The following SGCD variants were observed in gnomAD, a reference collection of about 807,000 sequenced individuals.
SGCD encodes sarcoglycan delta.
In SGCD, 18 loss-of-function variants were observed where a neutral mutation model predicts 36.6. The observed-to-expected ratio is 0.49, with a 90% CI of 0.34 to 0.73. The LOEUF is 0.73. Among genes scored for constraint, SGCD ranks in the 30% least tolerant of loss-of-function variants. The pLI, the probability that SGCD is intolerant of heterozygous loss-of-function variation, is 0.01. For synonymous variants in SGCD, 133 were observed against 130.6 expected, an observed-to-expected ratio of 1.02 and a Z score of -0.12; for missense variants, 387 against 346.7, an observed-to-expected ratio of 1.12 and a Z score of -0.92.
intron 3 of SGCD, among the ~76,000 whole-genome samples, chr5:156,390,768 T>A (rs1332917554): frequency 1.3e-5 from 2 of 152,140 alleles, no homozygotes; most frequent in Non-Finnish European, 2.9e-5. Flanking sequence ...AAAAAAATTT[T>A]TTAATAAAAC....
intron 7 of SGCD, among the ~76,000 whole-genome samples, chr5:156,693,956 C>T (rs531398848): frequency 6.6e-6 from 1 of 152,214 alleles, no homozygotes; most frequent in South Asian, 2.1e-4. Context: ...TTCATTACTT[C>T]TTATTGTTTC....
intron 1 of SGCD, among the ~76,000 whole-genome samples, chr5:156,327,553 G>A (rs1359678809): frequency 6.6e-6 from 1 of 152,194 alleles, no homozygotes; most frequent in Non-Finnish European, 1.5e-5. Flanking sequence ...TCCTTTCTGC[G>A]TGGAAGGGCC....
chr5:156,395,167 A>G (rs1771782700), intron 3 of SGCD, among the ~76,000 whole-genome samples: 1 of 152,242 alleles, frequency 6.6e-6, no homozygotes, highest in East Asian at 1.9e-4. Flanking sequence ...CATCACTTTC[A>G]TTTTGGCAGA....
At chr5:156,160,670 C>T (rs79454643) in intron 3 of SGCD, among the ~76,000 whole-genome samples, 2,379 of 151,714 alleles carry the variant, frequency 0.016, 41 homozygotes, top group Non-Finnish European at 0.024. Context: ...ATAGCATTTA[C>T]GCCTTTAGCC....
chr5:155,880,231 T>G (rs1314771317), intron 1 of SGCD, among the ~76,000 whole-genome samples: 2 of 152,218 alleles, frequency 1.3e-5, no homozygotes, highest in African/African-American at 2.4e-5. Context: ...ATGATGGTCA[T>G]GCATGTTTGC....
intron 1 of SGCD, among the ~76,000 whole-genome samples, chr5:156,096,300 C>T (rs1178444387): frequency 5.9e-5 from 9 of 152,170 alleles, no homozygotes; most frequent in African/African-American, 1.7e-4. Context: ...GGTTCAGCTG[C>T]CTGCTACTTA....
the SGCD span, among the ~76,000 whole-genome samples, chr5:155,835,872 G>C: frequency 6.6e-6 from 1 of 152,090 alleles, no homozygotes; most frequent in Non-Finnish European, 1.5e-5. Context: ...ATGAAATCCT[G>C]TGCCGTTCCC....
Position 156,759,426 on chromosome 5 carries a change from A to T in SGCD, c.*36A>T. The T allele has an allele frequency of 6.6e-7, 1 of 1,521,968 alleles. No individual in the cohort carries two copies. Among genetic ancestry groups the T allele is most frequent in the Non-Finnish European group, 8.9e-7 (1 of 1,125,432 alleles). 94.3% of individuals were successfully genotyped at this position (1,521,968 alleles called of 1,614,324 possible). A position where few individuals can be genotyped will look rare whatever the true frequency, so the allele number is the denominator to read the frequency against. On this transcript the variant is annotated 3_prime_UTR_variant, in exon 9 of 9. Coordinates refer to ENST00000337851, the MANE Select transcript of SGCD (RefSeq NM_000337.6). Reference sequence around the variant, plus strand: ...ATAGTGGACATTGTTGGCAGCATAAAGGCCTTTTTTGGCTTTAGACACTGG... The same window carrying T: ...ATAGTGGACATTGTTGGCAGCATAATGGCCTTTTTTGGCTTTAGACACTGG...
At chr5:155,793,046 C>T in the SGCD span, among the ~76,000 whole-genome samples, 6 of 152,100 alleles carry the variant, frequency 3.9e-5, no homozygotes, top group African/African-American at 1.4e-4. Context: ...ATGTGGTACA[C>T]ATACACCGTG....
intron 3 of SGCD, among the ~76,000 whole-genome samples, chr5:156,399,783 C>T (rs760987031): frequency 3.3e-5 from 5 of 152,140 alleles, no homozygotes; most frequent in Non-Finnish European, 7.4e-5. Flanking sequence ...ATCTTTCTTC[C>T]TTACTGGACT....
intron 3 of SGCD, among the ~76,000 whole-genome samples, chr5:156,291,194 A>G (rs1766748410): frequency 6.6e-6 from 1 of 152,162 alleles, no homozygotes. Flanking sequence ...GCAGAGTAGG[A>G]TGACTGTACT....
intron 3 of SGCD, among the ~76,000 whole-genome samples, chr5:156,149,805 C>T (rs1762791906): frequency 6.6e-6 from 1 of 152,120 alleles, no homozygotes; most frequent in Non-Finnish European, 1.5e-5. Flanking sequence ...GCAAGGCTAT[C>T]ATTTGTGAGA....
intron 3 of SGCD, among the ~76,000 whole-genome samples, chr5:156,442,669 C>T (rs1753548289): frequency 6.6e-6 from 1 of 152,096 alleles, no homozygotes; most frequent in Non-Finnish European, 1.5e-5. Flanking sequence ...TCTGTTTGTC[C>T]TAGCTGTTCA....
At chr5:155,763,699 T>C in the SGCD span, among the ~76,000 whole-genome samples, 1 of 152,202 alleles carries the variant, frequency 6.6e-6, no homozygotes, top group African/African-American at 2.4e-5. Context: ...AACATATGTG[T>C]TGATATTGGA....
intron 7 of SGCD, among the ~76,000 whole-genome samples, chr5:156,751,767 A>G (rs1025352013): frequency 6.6e-6 from 1 of 152,268 alleles, no homozygotes. Flanking sequence ...CAGTCATTTC[A>G]TACTTAGCTG....
the SGCD span, among the ~76,000 whole-genome samples, chr5:155,847,663 C>T: frequency 1.3e-5 from 2 of 152,114 alleles, no homozygotes; most frequent in African/African-American, 4.8e-5. Flanking sequence ...TACCCTGGGG[C>T]TATTCTACAG....
chr5:156,603,281 G>T (rs1183653785), intron 6 of SGCD, among the ~76,000 whole-genome samples: 1 of 151,948 alleles, frequency 6.6e-6, no homozygotes, highest in African/African-American at 2.4e-5. Context: ...GGTATGAGTT[G>T]TAACGTTTAC....
At chr5:156,438,256 A>G (rs891548701) in intron 3 of SGCD, among the ~76,000 whole-genome samples, 1 of 152,062 alleles carries the variant, frequency 6.6e-6, no homozygotes, top group Admixed American at 6.6e-5. Flanking sequence ...AAAAATTACC[A>G]CTGCTTTTCT....
intron 7 of SGCD, among the ~76,000 whole-genome samples, chr5:156,727,043 T>C (rs1755812897): frequency 6.6e-6 from 1 of 152,178 alleles, no homozygotes; most frequent in African/African-American, 2.4e-5. Context: ...ATGAAGGTAA[T>C]GTTTATTCAG....
Sources: allele counts gnomAD v4.1 joint callset (sites outside exome capture counted in the v4.1 genomes callset), GRCh38; gene constraint gnomAD v4.1.1; transcripts MANE v1.5; gene names NCBI Gene and HGNC (gene_info 2026-07-23, HGNC 2026-07-21).